The following SYTL3 variants were observed in gnomAD, a reference collection of about 807,000 sequenced individuals.
SYTL3 encodes the protein synaptotagmin like 3.
A neutral mutation model predicts 82.1 loss-of-function variants in SYTL3; 88 were observed. The observed-to-expected ratio is 1.07, with a 90% confidence interval of 0.90 to 1.28. SYTL3 has a LOEUF of 1.28. SYTL3 is among the 50% of genes most tolerant of loss of function. SYTL3 has a pLI of 0.00. For synonymous variants in SYTL3, 311 were observed against 289.4 expected (o/e 1.07, Z -0.76); for missense variants, 831 against 757.6 (o/e 1.10, Z -1.14).
chr6:158,710,370 A>G (rs1196148243), intron 8 of SYTL3, among the ~76,000 whole-genome samples: 1 of 152,226 alleles, frequency 6.6e-6, no homozygotes, highest in African/African-American at 2.4e-5. Flanking sequence ...CAGTCACCCA[A>G]ACAGCTGAGA....
chr6:158,760,177 C>T (rs1322120184), intron 14 of SYTL3, among the ~76,000 whole-genome samples: 1 of 152,114 alleles, frequency 6.6e-6, no homozygotes, highest in African/African-American at 2.4e-5. Context: ...TGAGGGGCCA[C>T]CCCCTGTGGC....
At chr6:158,678,968 G>A (rs1177157476) in intron 5 of SYTL3, among the ~76,000 whole-genome samples, 1 of 152,146 alleles carries the variant, frequency 6.6e-6, no homozygotes, top group Non-Finnish European at 1.5e-5. Flanking sequence ...GCTTTCTTTG[G>A]TTACTAATGA....
chr6:158,663,332 C>T lies in SYTL3; in HGVS notation c.64C>T (p.Leu22=), dbSNP rs767672844. ...ELEREAILQV[L]YRDQAVQNTE... ...AGAACGCGAGGCCATTCTCCAGGTC[C>T]TGTACCGAGACCAGGCGGTTCAAAA... The change falls in exon 4 of 18, where the codon CTG becomes TTG. Residue 22 remains leucine, a synonymous_variant. Transcript: ENST00000611299. 2.0e-5 allele frequency: 32 copies of T among 1,613,988 alleles called. No homozygotes were observed. In the African/African-American group the frequency reaches 3.7e-4, roughly 19 times the overall value.
intron 16 of SYTL3, among the ~76,000 whole-genome samples, chr6:158,762,633 C>G (rs1159938445): frequency 6.6e-6 from 1 of 152,154 alleles, no homozygotes; most frequent in African/African-American, 2.4e-5. Context: ...AGATAGAACT[C>G]AGGCTGGACG....
Position 158,655,340 on chromosome 6 carries a change from G to A in SYTL3, c.-637+3498G>A, listed in dbSNP as rs75174584. Among the ~76,000 whole-genome samples the A allele has an allele frequency of 1.1e-4, 16 of 152,168 alleles. No homozygotes were observed. In the East Asian group the frequency reaches 1.9e-3, roughly 18 times the overall value. ...TGCCCTAGGAAGGAAGTTTGACATC[G>A]GAGTAAATCTCCGTGTCGCAATATT... On this transcript the variant is annotated intron_variant, in intron 2 of 17. Coordinates refer to ENST00000611299, the MANE Select transcript of SYTL3 (RefSeq NM_001242394.2).
At position 158,762,318 on chromosome 6, in the gene SYTL3, A is replaced by G. The variant is rs761690150; in HGVS notation, c.1517+140A>G. On this transcript the variant is annotated intron_variant, in intron 16 of 17. Transcript: ENST00000611299. ...CTTTCCTATGAAAATCTAACAACAC[A>G]TATTAAAGACCCTGATTTCCAAAAA... 7.3e-5 allele frequency: 47 copies of G among 640,784 alleles called. No individual in the cohort carries two copies. In the South Asian group the frequency reaches 9.3e-4, roughly 13 times the overall value. The allele number at this position is 640,784 out of a possible 1,614,324, so 39.7% of individuals were successfully genotyped here. A position where few individuals can be genotyped will look rare whatever the true frequency, so the allele number is the denominator to read the frequency against.
In SYTL3 at chr6:158,757,306, G is replaced by T. The variant is rs2128542586; in HGVS notation, c.1233G>T (p.Val411=). ...TLARRVFLGE[V]IIPLATWDFE... ...CCCGGAGAGTGTTTCTTGGAGAAGT[G>T]ATCATTCCTCTGGCCACGTGGGACT... is the stretch of plus-strand genomic sequence containing the variant. The change falls in exon 14 of 18, where the codon GTG becomes GTT. Residue 411 remains valine (V), a synonymous_variant. Transcript: ENST00000611299. The T allele has an allele frequency of 6.2e-7, 1 of 1,613,990 alleles. No individual in the cohort carries two copies. Among genetic ancestry groups the T allele is most frequent in the South Asian group, 1.1e-5 (1 of 91,060 alleles).
At chr6:158,677,749 AAAT>A (rs1249992935) in intron 5 of SYTL3, among the ~76,000 whole-genome samples, 1 of 140,704 alleles carries the variant, frequency 7.1e-6, no homozygotes, top group African/African-American at 3.3e-5. Context: ...GAAATAAAAA[AAAT>A]AAAAATCCAA....
At chr6:158,695,655 A>G (rs964482000) in intron 6 of SYTL3, among the ~76,000 whole-genome samples, 3 of 152,150 alleles carry the variant, frequency 2.0e-5, no homozygotes, top group Non-Finnish European at 2.9e-5. Context: ...GAGCTTTTTC[A>G]TTCTGCTATA....
At chr6:158,688,197 G>A (rs1383409005) in intron 6 of SYTL3, among the ~76,000 whole-genome samples, 1 of 152,158 alleles carries the variant, frequency 6.6e-6, no homozygotes, top group East Asian at 1.9e-4. Flanking sequence ...GTATATCACT[G>A]TATTTGATTT....
At chr6:158,710,593 G>A (rs1160993590) in intron 8 of SYTL3, among the ~76,000 whole-genome samples, 1 of 152,018 alleles carries the variant, frequency 6.6e-6, no homozygotes, top group Non-Finnish European at 1.5e-5. Flanking sequence ...GACATGATGA[G>A]AACGTGAACT....
At chr6:158,708,799 C>G (rs1184257463) in intron 8 of SYTL3, among the ~76,000 whole-genome samples, 1 of 152,106 alleles carries the variant, frequency 6.6e-6, no homozygotes, top group Non-Finnish European at 1.5e-5. Flanking sequence ...AGTGGACCAG[C>G]ACCATTTCTG....
chr6:158,721,061 C>CAGGGGAGACGG (rs1358096803), intron 10 of SYTL3, among the ~76,000 whole-genome samples: 1 of 152,136 alleles, frequency 6.6e-6, no homozygotes, highest in Non-Finnish European at 1.5e-5. Context: ...TGGTGGGGTG[C>CAGGGGAGACGG]AGGGGAGACG....
intron 6 of SYTL3, among the ~76,000 whole-genome samples, chr6:158,694,923 G>GT (rs1399983349): frequency 6.6e-6 from 1 of 152,142 alleles, no homozygotes; most frequent in Non-Finnish European, 1.5e-5. Context: ...GCTTCATTGG[G>GT]TTTTGATTCA....
At chr6:158,761,597 C>T (rs557439992) in intron 15 of SYTL3, among the ~76,000 whole-genome samples, 29 of 152,250 alleles carry the variant, frequency 1.9e-4, no homozygotes, top group Non-Finnish European at 3.8e-4. Flanking sequence ...CGTGAGCCAC[C>T]ACGCCCGGCC....
At chr6:158,745,688 G>T in intron 12 of SYTL3, 30 bp downstream of exon 12, 2 of 1,482,126 alleles carry the variant, frequency 1.3e-6, no homozygotes, top group South Asian at 2.8e-5. Flanking sequence ...TTTAACATGA[G>T]ACATATTGAT....
chr6:158,692,982 C>T (rs1474030757), intron 6 of SYTL3, among the ~76,000 whole-genome samples: 1 of 151,930 alleles, frequency 6.6e-6, no homozygotes, highest in Non-Finnish European at 1.5e-5. Flanking sequence ...AGGTGTCAGT[C>T]AATACGTAGC....
At chr6:158,692,099 T>C (rs1469972020) in intron 6 of SYTL3, among the ~76,000 whole-genome samples, 2 of 145,592 alleles carry the variant, frequency 1.4e-5, no homozygotes, top group Non-Finnish European at 3.0e-5. Context: ...CTACTAAAAA[T>C]ACACAAAAAT....
intron 2 of SYTL3, among the ~76,000 whole-genome samples, chr6:158,652,613 C>G (rs1357312826): frequency 6.6e-6 from 1 of 151,994 alleles, no homozygotes; most frequent in Non-Finnish European, 1.5e-5. Context: ...GGCGCGATCT[C>G]AGCTCACTGC....
Sources: gnomAD v4.1 joint callset for allele counts (sites outside exome capture counted in the v4.1 genomes callset) on GRCh38, gnomAD v4.1.1 for gene constraint, MANE v1.5 for transcripts, NCBI Gene and HGNC (gene_info 2026-07-23, HGNC 2026-07-21) for gene names.